Variants in GMDS observed in about 807,000 individuals in gnomAD.
GMDS encodes the protein GDP-mannose 4,6 dehydratase.
Under a neutral mutation model 49.9 loss-of-function variants are expected in GMDS, and 20 were observed. The observed-to-expected ratio is 0.40, with a 90% CI of 0.28 to 0.58. The LOEUF (loss-of-function observed/expected upper bound fraction) is 0.58, where lower values mean the gene tolerates loss of function less well. GMDS is among the 20% of genes least tolerant of loss of function. GMDS has a pLI of 0.42. For synonymous variants in GMDS, 177 were observed against 178.6 expected, an observed-to-expected ratio of 0.99 and a Z score of 0.07; for missense variants, 362 against 481.4, an observed-to-expected ratio of 0.75 and a Z score of 2.32.
intron 7 of GMDS, among the ~76,000 whole-genome samples, chr6:1,774,577 C>A (rs1273415065): frequency 6.6e-6 from 1 of 152,222 alleles, no homozygotes; most frequent in Non-Finnish European, 1.5e-5. Flanking sequence ...TGCAGACACA[C>A]AGACAAACAT....
At chr6:2,041,284 A>G (rs149214612) in intron 4 of GMDS, among the ~76,000 whole-genome samples, 1 of 152,384 alleles carries the variant, frequency 6.6e-6, no homozygotes, top group East Asian at 1.9e-4. Flanking sequence ...CTAAGGCAGT[A>G]CTTGTTATAG....
At chr6:1,977,582 C>T (rs138141810) in intron 4 of GMDS, among the ~76,000 whole-genome samples, 180 of 152,218 alleles carry the variant, frequency 1.2e-3, no homozygotes, top group African/African-American at 3.2e-3. Flanking sequence ...CGCATTGGAA[C>T]GGACTAGGAA....
At chr6:2,133,237 T>C (rs1299947330) in intron 1 of GMDS, among the ~76,000 whole-genome samples, 1 of 152,066 alleles carries the variant, frequency 6.6e-6, no homozygotes, top group East Asian at 1.9e-4. Flanking sequence ...AAGAGAAGAA[T>C]TATGAAATTT....
chr6:1,675,656 T>C lies in GMDS; in HGVS notation c.987+50760A>G, dbSNP rs190074287. 6.7e-4 allele frequency among the ~76,000 whole-genome samples: 102 copies of C among 152,126 alleles called. No individual in the cohort carries two copies. The East Asian group carries it at 0.017, about 25-fold the overall frequency. Reference sequence around the variant, plus strand: ...TCACGAAGTCAGGAGATTGAGACCATCCTGGCTAACACAGTGAAACCCCAT... The same window carrying C: ...TCACGAAGTCAGGAGATTGAGACCACCCTGGCTAACACAGTGAAACCCCAT... On this transcript the variant is annotated intron_variant, in intron 9 of 10. Coordinates refer to ENST00000380815, the MANE Select transcript of GMDS (RefSeq NM_001500.4).
chr6:1,660,925 A>G (rs759991203), intron 9 of GMDS, among the ~76,000 whole-genome samples: 15 of 151,806 alleles, frequency 9.9e-5, no homozygotes, highest in Admixed American at 2.0e-4. Flanking sequence ...TGATCACAAC[A>G]GATGGCCTCC....
At chr6:1,788,049 G>A (rs986840004) in intron 7 of GMDS, among the ~76,000 whole-genome samples, 11 of 152,114 alleles carry the variant, frequency 7.2e-5, no homozygotes, top group South Asian at 4.2e-4. Context: ...GCTCTCAGTC[G>A]CCCAGATGTC....
intron 6 of GMDS, among the ~76,000 whole-genome samples, chr6:1,937,153 A>G (rs1762594018): frequency 6.6e-6 from 1 of 152,158 alleles, no homozygotes; most frequent in Non-Finnish European, 1.5e-5. Context: ...GTGTGCAGGA[A>G]GATATACCAT....
At chr6:2,036,366 C>T (rs1242821235) in intron 4 of GMDS, among the ~76,000 whole-genome samples, 4 of 151,938 alleles carry the variant, frequency 2.6e-5, no homozygotes, top group Non-Finnish European at 5.9e-5. Flanking sequence ...ACGCAGATCT[C>T]GGGAATAAAC....
intron 9 of GMDS, among the ~76,000 whole-genome samples, chr6:1,683,252 T>G (rs564679089): frequency 2.0e-5 from 3 of 152,042 alleles, no homozygotes; most frequent in Admixed American, 2.0e-4. Context: ...GCCTCCCGAG[T>G]AGCTGGGACT....
chr6:2,001,077 A>G (rs573653573), intron 4 of GMDS, among the ~76,000 whole-genome samples: 2 of 152,348 alleles, frequency 1.3e-5, no homozygotes, highest in East Asian at 3.9e-4. Flanking sequence ...GACTGTTTGC[A>G]GAAGTGGCTA....
intron 7 of GMDS, among the ~76,000 whole-genome samples, chr6:1,765,373 G>A (rs374353392): frequency 3.3e-5 from 5 of 152,248 alleles, no homozygotes; most frequent in Admixed American, 1.3e-4. Context: ...AAGGTGAGAT[G>A]GGAACACAAC....
chr6:1,813,692 G>A (rs1006215343), intron 7 of GMDS, among the ~76,000 whole-genome samples: 1 of 152,182 alleles, frequency 6.6e-6, no homozygotes, highest in Non-Finnish European at 1.5e-5. Flanking sequence ...TCAAGTAAGA[G>A]GGTAGGAGCG....
intron 8 of GMDS, among the ~76,000 whole-genome samples, chr6:1,731,156 A>T (rs927748519): frequency 6.6e-6 from 1 of 152,240 alleles, no homozygotes; most frequent in African/African-American, 2.4e-5. Flanking sequence ...GATTTCGAAG[A>T]TACAGTTGAG....
At chr6:1,878,188 ACC>A (rs1759179902) in intron 7 of GMDS, among the ~76,000 whole-genome samples, 1 of 151,752 alleles carries the variant, frequency 6.6e-6, no homozygotes, top group African/African-American at 2.4e-5. Flanking sequence ...GGTGGCGGGC[ACC>A]TGTAGTCCCA....
intron 6 of GMDS, among the ~76,000 whole-genome samples, chr6:1,954,252 A>G (rs1313952784): frequency 6.6e-6 from 1 of 152,262 alleles, no homozygotes; most frequent in African/African-American, 2.4e-5. Context: ...CTTAACTAAA[A>G]ATTACTTTAT....
intron 1 of GMDS, among the ~76,000 whole-genome samples, chr6:2,200,460 A>G (rs1274731835): frequency 6.6e-6 from 1 of 150,888 alleles, no homozygotes; most frequent in Non-Finnish European, 1.5e-5. Flanking sequence ...GCATGTTAGC[A>G]GAGAGGTGAA....
At chr6:1,889,932 T>C (rs571263372) in intron 7 of GMDS, among the ~76,000 whole-genome samples, 17 of 152,342 alleles carry the variant, frequency 1.1e-4, no homozygotes, top group Non-Finnish European at 2.4e-4. Flanking sequence ...CACATTGCAG[T>C]GTCCATTAGT....
At chr6:2,163,137 T>A (rs2127547420) in intron 1 of GMDS, among the ~76,000 whole-genome samples, 1 of 152,308 alleles carries the variant, frequency 6.6e-6, no homozygotes, top group African/African-American at 2.4e-5. Flanking sequence ...GAGGCTACTT[T>A]TATAATGCTG....
At chr6:1,639,370 T>G (rs1763258916) in intron 9 of GMDS, among the ~76,000 whole-genome samples, 1 of 152,180 alleles carries the variant, frequency 6.6e-6, no homozygotes, top group Non-Finnish European at 1.5e-5. Context: ...GAGAAGATAT[T>G]CCCTGAGCTG....
Sources: gnomAD v4.1 joint callset for allele counts (sites outside exome capture counted in the v4.1 genomes callset) on GRCh38, gnomAD v4.1.1 for gene constraint, MANE v1.5 for transcripts, NCBI Gene and HGNC (gene_info 2026-07-23, HGNC 2026-07-21) for gene names.